Variants in EMSY observed in about 807,000 individuals in gnomAD.
EMSY encodes the protein EMSY transcriptional repressor, BRCA2 interacting, also known as BRCA2-interacting transcriptional repressor EMSY.
A neutral mutation model predicts 134.6 loss-of-function variants in EMSY; 26 were observed. The observed-to-expected ratio is 0.19, with a 90% CI of 0.14 to 0.27. The LOEUF is 0.27. Ranked by LOEUF, EMSY falls within the 10% of genes least tolerant of loss-of-function variation. The pLI is 1.00. For missense variants in EMSY, 1,305 were observed against 1,611.4 expected (o/e 0.81, Z 3.26); for synonymous variants, 579 against 577.8 (o/e 1.00, Z -0.03).
At chr11:76,496,546 C>CGGTAT (rs764954695) in intron 9 of EMSY, 77 bp downstream of exon 10, 1 of 1,475,310 alleles carries the variant, frequency 6.8e-7, no homozygotes, top group Non-Finnish European at 9.4e-7. Flanking sequence ...TCCATGAACA[C>CGGTAT]GGTATGTCTC....
At chr11:76,514,376 A>C (rs1336144081) in intron 10 of EMSY, among the ~76,000 whole-genome samples, 1 of 152,104 alleles carries the variant, frequency 6.6e-6, no homozygotes, top group Non-Finnish European at 1.5e-5. Context: ...GACAGAATTT[A>C]AATAGTGTAA....
exon 11 of EMSY, chr11:76,516,186 G>C (rs1366671203): frequency 1.9e-6 from 3 of 1,613,874 alleles, no homozygotes; most frequent in Non-Finnish European, 2.5e-6. Context: ...CCCATCCATT[G>C]GTCGGATGGC....
At chr11:76,445,462 AG>A (rs1232586458) in intron 1 of EMSY, among the ~76,000 whole-genome samples, 1 of 151,028 alleles carries the variant, frequency 6.6e-6, no homozygotes, top group Non-Finnish European at 1.5e-5. Flanking sequence ...ACTGGCCCAG[AG>A]GGGCTTGGGT....
intron 10 of EMSY, among the ~76,000 whole-genome samples, chr11:76,513,938 A>G (rs1950362668): frequency 6.6e-6 from 1 of 152,148 alleles, no homozygotes; most frequent in Non-Finnish European, 1.5e-5. Flanking sequence ...ACCCACAAGG[A>G]TTTCACTCTG....
At chr11:76,454,919 C>T (rs534897550) in intron 4 of EMSY, 129 bp downstream of exon 5, 2 of 661,308 alleles carry the variant, frequency 3.0e-6, no homozygotes, top group South Asian at 2.2e-5. Flanking sequence ...CTTCTCTTCC[C>T]CTCCTCCCCC....
intron 10 of EMSY, among the ~76,000 whole-genome samples, chr11:76,515,609 G>C (rs1565336883): frequency 6.6e-6 from 1 of 152,134 alleles, no homozygotes; most frequent in Non-Finnish European, 1.5e-5. Context: ...TAAAATGATA[G>C]AATAACCAAC....
At position 76,542,408 on chromosome 11, in the gene EMSY, C is replaced by T. The variant is rs748658182; in HGVS notation, c.2709+41C>T. 5 of 1,589,156 alleles carry T rather than the reference C, an allele frequency of 3.1e-6. No individual in the cohort carries two copies. In the Admixed American group the frequency reaches 8.3e-5, roughly 27 times the overall value. ...TTTCTTCCTATCTTCTGCAACTGCCCATGCTTGAAATAAGATTCAGTGTCA... is the reference window on the plus strand; with the variant it reads ...TTTCTTCCTATCTTCTGCAACTGCCTATGCTTGAAATAAGATTCAGTGTCA... On this transcript the variant is annotated intron_variant, in intron 18 of 20. Coordinates refer to ENST00000334736, the Ensembl canonical transcript of EMSY.
exon 19 of EMSY, chr11:76,544,803 A>T: frequency 1.2e-6 from 2 of 1,614,124 alleles, no homozygotes; most frequent in African/African-American, 2.7e-5. Context: ...GCTTCTTCAG[A>T]GAAACAGACG....
At chr11:76,455,227 A>C (rs1229672066) in intron 4 of EMSY, among the ~76,000 whole-genome samples, 5 of 151,760 alleles carry the variant, frequency 3.3e-5, no homozygotes, top group African/African-American at 1.2e-4. Context: ...GATTTCTTTA[A>C]TACATAAATT....
At chr11:76,524,978 C>T (rs1950793686) in intron 12 of EMSY, among the ~76,000 whole-genome samples, 1 of 152,234 alleles carries the variant, frequency 6.6e-6, no homozygotes. Context: ...GATCTTGCCA[C>T]TGTACTCCAG....
chr11:76,528,529 T>C, intron 14 of EMSY, 63 bp downstream of exon 15: 2 of 1,270,394 alleles, frequency 1.6e-6, no homozygotes, highest in Admixed American at 2.1e-5. Flanking sequence ...AATTCTAAAA[T>C]AGAGGTTGCT....
intron 8 of EMSY, among the ~76,000 whole-genome samples, chr11:76,476,661 A>G (rs745965294): frequency 1.3e-5 from 2 of 152,082 alleles, no homozygotes; most frequent in Non-Finnish European, 2.9e-5. Flanking sequence ...GTTGGTTTCT[A>G]AATTCTTTTG....
At chr11:76,504,475 A>G (rs184042258) in intron 9 of EMSY, among the ~76,000 whole-genome samples, 183 of 152,284 alleles carry the variant, frequency 1.2e-3, no homozygotes, top group Non-Finnish European at 2.0e-3. Context: ...TCAGAATCAC[A>G]GTGAAATATA....
chr11:76,489,315 CTTTTTTTTTT>C (rs57048007), intron 8 of EMSY, among the ~76,000 whole-genome samples: 1 of 128,170 alleles, frequency 7.8e-6, no homozygotes, highest in Admixed American at 7.7e-5. Flanking sequence ...TTCTTGTTTT[CTTTTTTTTTT>C]TTTTTTTGGT....
intron 7 of EMSY, among the ~76,000 whole-genome samples, chr11:76,470,897 C>T (rs1252964841): frequency 6.6e-6 from 1 of 152,050 alleles, no homozygotes; most frequent in Non-Finnish European, 1.5e-5. Flanking sequence ...TAGTTCCTTT[C>T]CTTCATACTA....
intron 11 of EMSY, among the ~76,000 whole-genome samples, chr11:76,520,515 G>A (rs778210788): frequency 7.2e-5 from 11 of 152,136 alleles, no homozygotes; most frequent in Non-Finnish European, 1.3e-4. Flanking sequence ...GTTAAAGTTA[G>A]TATAAGTGAA....
At chr11:76,533,683 G>C (rs1951124149) in intron 14 of EMSY, among the ~76,000 whole-genome samples, 1 of 152,132 alleles carries the variant, frequency 6.6e-6, no homozygotes, top group Admixed American at 6.5e-5. Flanking sequence ...TGAGTATACT[G>C]TTAAAGTGTA....
At chr11:76,531,972 T>G (rs1310164831) in intron 14 of EMSY, among the ~76,000 whole-genome samples, 1 of 152,168 alleles carries the variant, frequency 6.6e-6, no homozygotes, top group Non-Finnish European at 1.5e-5. Flanking sequence ...CTCAACTGTC[T>G]CCATATAGGC....
intron 6 of EMSY, among the ~76,000 whole-genome samples, chr11:76,463,515 C>T (rs1331831511): frequency 1.3e-5 from 2 of 149,530 alleles, no homozygotes; most frequent in East Asian, 2.0e-4. Context: ...CCCAGCTACT[C>T]GGGAGGCTGA....
Sources: allele counts gnomAD v4.1 joint callset (sites outside exome capture counted in the v4.1 genomes callset), GRCh38; gene constraint gnomAD v4.1.1; transcripts MANE v1.5; gene names NCBI Gene and HGNC (gene_info 2026-07-23, HGNC 2026-07-21).